RALGAPA1: variants seen among roughly 807,000 people sequenced by gnomAD.
The protein encoded by RALGAPA1 is Ral GTPase activating protein catalytic subunit alpha 1, also known as ral GTPase-activating protein subunit alpha-1.
A neutral mutation model predicts 269.6 loss-of-function variants in RALGAPA1; 52 were observed. That is an observed-to-expected ratio of 0.19 (90% CI 0.15 to 0.24). RALGAPA1 has a LOEUF of 0.24. Among genes scored for constraint, RALGAPA1 ranks in the 10% least tolerant of loss-of-function variants. The pLI is 1.00. For synonymous variants in RALGAPA1, 817 were observed against 1,008.3 expected (o/e 0.81, Z 3.60); for missense variants, 1,917 against 3,013.9 (o/e 0.64, Z 8.52).
chr14:35,551,321 C>T (rs1434354186), intron 39 of RALGAPA1, among the ~76,000 whole-genome samples: 1 of 151,404 alleles, frequency 6.6e-6, no homozygotes, highest in Non-Finnish European at 1.5e-5. Context: ...CTTGGTGGGC[C>T]CTAGAAATTC....
chr14:35,720,671 G>T (rs899436519), intron 16 of RALGAPA1, among the ~76,000 whole-genome samples: 4 of 152,184 alleles, frequency 2.6e-5, no homozygotes, highest in African/African-American at 9.7e-5. Flanking sequence ...TCACACCTGT[G>T]ATCTCAGCAC....
At chr14:35,761,759 A>C (rs557387065) in intron 5 of RALGAPA1, among the ~76,000 whole-genome samples, 58 of 152,156 alleles carry the variant, frequency 3.8e-4, no homozygotes, top group Non-Finnish European at 6.6e-4. Context: ...CACTAACCTA[A>C]CCTCACTGAT....
At chr14:35,579,985 T>A (rs2057848200) in intron 37 of RALGAPA1, among the ~76,000 whole-genome samples, 2 of 152,298 alleles carry the variant, frequency 1.3e-5, no homozygotes, top group South Asian at 4.1e-4. Flanking sequence ...TATTTCTGTA[T>A]AAAATAAAGA....
chr14:35,671,311 C>A, intron 26 of RALGAPA1, 78 bp downstream of exon 26: 1 of 1,307,778 alleles, frequency 7.6e-7, no homozygotes, highest in Non-Finnish European at 1.0e-6. Flanking sequence ...TGATTATCAG[C>A]TTGTTATGTT....
At chr14:35,618,271 A>G (rs921612869) in intron 35 of RALGAPA1, among the ~76,000 whole-genome samples, 2 of 152,160 alleles carry the variant, frequency 1.3e-5, no homozygotes, top group African/African-American at 4.8e-5. Context: ...GAGAAGCCAA[A>G]AGATCAGGCA....
chr14:35,710,192 C>T (rs1385109278), intron 16 of RALGAPA1, among the ~76,000 whole-genome samples: 1 of 152,190 alleles, frequency 6.6e-6, no homozygotes, highest in Non-Finnish European at 1.5e-5. Flanking sequence ...CTGTTTTTGC[C>T]TCATGTATTT....
intron 10 of RALGAPA1, among the ~76,000 whole-genome samples, chr14:35,742,924 G>A (rs2071702983): frequency 6.6e-6 from 1 of 152,096 alleles, no homozygotes; most frequent in Non-Finnish European, 1.5e-5. Context: ...GTCACTGGTG[G>A]CCAGTGTATC....
In RALGAPA1 at chr14:35,689,406, G is replaced by A; in HGVS notation, c.3005C>T (p.Pro1002Leu). Residue 1002 changes from proline to leucine, a missense_variant, in exon 18 of 42, where the codon CCT becomes CTT. Coordinates refer to ENST00000680220, the MANE Select transcript of RALGAPA1 (RefSeq NM_001346249.2). Reference protein sequence around the residue: ...SENITSFVGTPENLQFQKEPN... With the variant: ...SENITSFVGTLENLQFQKEPN... ...TTCTTTCTGAAACTGTAGGTTTTCA[G>A]GAGTCCCAACAAAAGAGGTGATATT... The A allele has an allele frequency of 8.1e-7, 1 of 1,232,146 alleles. No individual in the cohort carries two copies. Among genetic ancestry groups the A allele is most frequent in the Non-Finnish European group, 1.0e-6 (1 of 988,038 alleles). 76.3% of individuals were successfully genotyped at this position (1,232,146 alleles called of 1,614,324 possible).
intron 35 of RALGAPA1, among the ~76,000 whole-genome samples, chr14:35,608,374 A>T (rs1002768718): frequency 6.6e-6 from 1 of 152,232 alleles, no homozygotes; most frequent in Non-Finnish European, 1.5e-5. Flanking sequence ...AACAATTTTT[A>T]AAAAATCTGA....
At chr14:35,601,004 T>C (rs946855683) in intron 36 of RALGAPA1, among the ~76,000 whole-genome samples, 3 of 152,208 alleles carry the variant, frequency 2.0e-5, no homozygotes, top group African/African-American at 7.2e-5. Context: ...TGCTGACTTG[T>C]TTCTGTCAGG....
chr14:35,592,466 A>G (rs978991630), intron 37 of RALGAPA1, among the ~76,000 whole-genome samples: 1 of 152,228 alleles, frequency 6.6e-6, no homozygotes, highest in Non-Finnish European at 1.5e-5. Flanking sequence ...TCTTCCAAAA[A>G]ACAGAGTGAA....
chr14:35,804,337 G>A (rs1461666043), intron 1 of RALGAPA1, among the ~76,000 whole-genome samples: 1 of 151,208 alleles, frequency 6.6e-6, no homozygotes, highest in Non-Finnish European at 1.5e-5. Context: ...TTGGAAGGCT[G>A]AGGCTTGAGG....
chr14:35,722,773 T>G (rs1272556707), intron 15 of RALGAPA1, among the ~76,000 whole-genome samples: 1 of 152,154 alleles, frequency 6.6e-6, no homozygotes, highest in African/African-American at 2.4e-5. Flanking sequence ...GTAAGTGCTT[T>G]CAAAAACAAT....
At chr14:35,803,761 T>C (rs1016719044) in intron 1 of RALGAPA1, among the ~76,000 whole-genome samples, 9 of 151,834 alleles carry the variant, frequency 5.9e-5, no homozygotes, top group Admixed American at 3.9e-4. Flanking sequence ...GCCTCCTGAA[T>C]AGCTGGGATT....
intron 31 of RALGAPA1, among the ~76,000 whole-genome samples, chr14:35,648,754 C>T (rs954654564): frequency 1.3e-5 from 2 of 151,954 alleles, no homozygotes; most frequent in African/African-American, 4.8e-5. Flanking sequence ...GTCTAGATTG[C>T]GCCACTGTAC....
intron 12 of RALGAPA1, among the ~76,000 whole-genome samples, chr14:35,736,454 G>A (rs2071002168): frequency 6.6e-6 from 1 of 152,160 alleles, no homozygotes; most frequent in Admixed American, 6.5e-5. Flanking sequence ...TGAGACAAGA[G>A]AATAAGAGAT....
At chr14:35,551,618 A>C (rs1013892947) in intron 39 of RALGAPA1, among the ~76,000 whole-genome samples, 3 of 152,218 alleles carry the variant, frequency 2.0e-5, no homozygotes, top group Non-Finnish European at 4.4e-5. Flanking sequence ...AAAATTAGGC[A>C]GAAAGAAAGC....
intron 17 of RALGAPA1, among the ~76,000 whole-genome samples, chr14:35,694,223 C>T (rs2066725114): frequency 6.6e-6 from 1 of 151,982 alleles, no homozygotes; most frequent in Non-Finnish European, 1.5e-5. Flanking sequence ...GGCCAAAATC[C>T]CCTTTACTAA....
At chr14:35,652,136 AG>A (rs1324673151) in intron 30 of RALGAPA1, among the ~76,000 whole-genome samples, 2 of 152,176 alleles carry the variant, frequency 1.3e-5, no homozygotes, top group Non-Finnish European at 2.9e-5. Flanking sequence ...TCCCAATTCA[AG>A]GGGGTAAATC....
Sources: gnomAD v4.1 joint callset for allele counts (sites outside exome capture counted in the v4.1 genomes callset) on GRCh38, gnomAD v4.1.1 for gene constraint, MANE v1.5 for transcripts, NCBI Gene and HGNC (gene_info 2026-07-23, HGNC 2026-07-21) for gene names.